Variants in SAMD5 observed in about 807,000 individuals in gnomAD.
SAMD5 encodes sterile alpha motif domain-containing protein 5.
SAMD5 carries 13 observed loss-of-function variants against 11.3 expected under a neutral mutation model. The ratio of observed to expected loss-of-function variants is 1.15; its 90% CI spans 0.75 to 1.83. The LOEUF (loss-of-function observed/expected upper bound fraction) is 1.83, where lower values mean the gene tolerates loss of function less well. Ranked by LOEUF, SAMD5 falls within the 40% of genes most tolerant of loss-of-function variation. SAMD5 has a pLI of 0.00. For synonymous variants in SAMD5, 129 were observed against 111.3 expected (o/e 1.16, Z -1.00); for missense variants, 255 against 239.1 (o/e 1.07, Z -0.44).
chr6:147,726,704 C>CTA (rs2128459682), intron 1 of SAMD5, among the ~76,000 whole-genome samples: 1 of 152,308 alleles, frequency 6.6e-6, no homozygotes, highest in South Asian at 2.1e-4. Context: ...GGTGCATGAC[C>CTA]TAACCTCTCC....
At chr6:147,854,699 A>G in the SAMD5 span, among the ~76,000 whole-genome samples, 34 of 151,618 alleles carry the variant, frequency 2.2e-4, no homozygotes, top group African/African-American at 8.3e-4. Context: ...CCAACCTAAT[A>G]ATATTCTTGA....
At chr6:147,723,659 A>AAC (rs991189908) in intron 1 of SAMD5, among the ~76,000 whole-genome samples, 1 of 152,084 alleles carries the variant, frequency 6.6e-6, no homozygotes, top group East Asian at 1.9e-4. Context: ...TTGTGATGCT[A>AAC]ACACACACTC....
chr6:147,670,792 T>A (rs181729930), intron 1 of SAMD5, among the ~76,000 whole-genome samples: 2 of 152,344 alleles, frequency 1.3e-5, no homozygotes, highest in East Asian at 3.9e-4. Flanking sequence ...GACTATTAAG[T>A]TTCTCCATAT....
chr6:147,941,599 TA>T, the SAMD5 span, among the ~76,000 whole-genome samples: 1 of 152,194 alleles, frequency 6.6e-6, no homozygotes, highest in Non-Finnish European at 1.5e-5. Flanking sequence ...AATTAACATT[TA>T]TAAACAAAAA....
chr6:147,524,206 C>T (rs1382853691), intron 1 of SAMD5, among the ~76,000 whole-genome samples: 2 of 151,760 alleles, frequency 1.3e-5, no homozygotes, highest in Non-Finnish European at 2.9e-5. Flanking sequence ...CTCTTCCGCT[C>T]TTCTTCTGAT....
chr6:147,818,077 GT>G, the SAMD5 span, among the ~76,000 whole-genome samples: 2 of 152,314 alleles, frequency 1.3e-5, no homozygotes, highest in Admixed American at 6.5e-5. Context: ...AAGGTGTATT[GT>G]GAAGCTATGT....
At chr6:147,677,697 C>T (rs888314536) in intron 1 of SAMD5, among the ~76,000 whole-genome samples, 4 of 151,778 alleles carry the variant, frequency 2.6e-5, no homozygotes, top group African/African-American at 9.7e-5. Context: ...GGATGGCGGG[C>T]GGGGGCTTGG....
chr6:147,606,461 C>A lies in SAMD5; in HGVS notation c.162+97074C>A, dbSNP rs192131560. Among the ~76,000 whole-genome samples the A allele has an allele frequency of 8.5e-3, 1,287 of 151,472 alleles. 11 individuals carry two copies. The highest frequency in any genetic ancestry group is 0.028 in the Middle Eastern group (8 of 284). ...GCAGGCCTGATGGCCCACGGTAAGT[C>A]CTTAATTGCAATAATCTTTATGTCT... On this transcript the variant is annotated intron_variant, in intron 1 of 1. Transcript: ENST00000566741.
chr6:147,781,579 A>G, the SAMD5 span, among the ~76,000 whole-genome samples: 1 of 152,088 alleles, frequency 6.6e-6, no homozygotes, highest in East Asian at 1.9e-4. Context: ...CAGTTCTGCC[A>G]CTTTCTAGTG....
At chr6:147,844,132 A>C in the SAMD5 span, among the ~76,000 whole-genome samples, 4 of 152,204 alleles carry the variant, frequency 2.6e-5, no homozygotes. Flanking sequence ...TAAGGAACTC[A>C]AACTACTCAA....
At chr6:147,768,160 G>A in the SAMD5 span, among the ~76,000 whole-genome samples, 1 of 152,178 alleles carries the variant, frequency 6.6e-6, no homozygotes, top group South Asian at 2.1e-4. Flanking sequence ...ACAGCTAGGT[G>A]TACCAATCTT....
Position 147,617,639 on chromosome 6 carries a change from C to T in SAMD5, c.162+108252C>T, listed in dbSNP as rs954000668. Among the ~76,000 whole-genome samples, 7 of 152,346 alleles carry T rather than the reference C, an allele frequency of 4.6e-5. No individual in the cohort carries two copies. The South Asian group carries it at 6.2e-4, about 14-fold the overall frequency. ...GATGCCGGAAACAAATGCTGGGTTACATTAGCTTATGGGGGTCTCTTTCTC... is the reference window on the plus strand; with the variant it reads ...GATGCCGGAAACAAATGCTGGGTTATATTAGCTTATGGGGGTCTCTTTCTC... On this transcript the variant is annotated intron_variant, in intron 1 of 1. Coordinates refer to the SAMD5 transcript ENST00000566741.
At chr6:147,571,785 T>A (rs913636641), downstream of SAMD5, among the ~76,000 whole-genome samples, 8 of 152,180 alleles carry the variant, frequency 5.3e-5, no homozygotes, top group African/African-American at 1.7e-4. Context: ...GAATATACAT[T>A]TAATTTAAAA....
the SAMD5 span, among the ~76,000 whole-genome samples, chr6:147,816,412 G>C: frequency 6.9e-6 from 1 of 145,776 alleles, no homozygotes; most frequent in African/African-American, 2.5e-5. Context: ...CTGGATCAGA[G>C]TATTGGTTAA....
chr6:147,594,472 A>C (rs1226617069), intron 1 of SAMD5, among the ~76,000 whole-genome samples: 1 of 152,200 alleles, frequency 6.6e-6, no homozygotes, highest in African/African-American at 2.4e-5. Context: ...AGCAGACATA[A>C]TTGAGACCGA....
the SAMD5 span, among the ~76,000 whole-genome samples, chr6:147,804,774 T>C: frequency 1.8e-4 from 28 of 152,236 alleles, no homozygotes; most frequent in African/African-American, 6.5e-4. Flanking sequence ...GAGCTTAAAA[T>C]GATTGGCTGA....
chr6:147,770,055 T>G, the SAMD5 span, among the ~76,000 whole-genome samples: 1 of 152,230 alleles, frequency 6.6e-6, no homozygotes, highest in Non-Finnish European at 1.5e-5. Context: ...TTACTTTAGT[T>G]TCTTAGTTGG....
At chr6:147,682,035 ATC>A (rs112821788) in intron 1 of SAMD5, among the ~76,000 whole-genome samples, 17,476 of 152,034 alleles carry the variant, frequency 0.11, 1,103 homozygotes, top group Middle Eastern at 0.16. Context: ...AAATCCTGGA[ATC>A]TCTCATTCTG....
At chr6:147,525,621 A>G (rs1015278131) in intron 1 of SAMD5, among the ~76,000 whole-genome samples, 2 of 152,082 alleles carry the variant, frequency 1.3e-5, no homozygotes, top group African/African-American at 2.4e-5. Context: ...AATCACAGTC[A>G]TCGGCCTTCT....
Sources: allele counts gnomAD v4.1 joint callset (sites outside exome capture counted in the v4.1 genomes callset), GRCh38; gene constraint gnomAD v4.1.1; transcripts MANE v1.5; gene names NCBI Gene and HGNC (gene_info 2026-07-23, HGNC 2026-07-21).